Variants in CACNA1C observed in about 807,000 individuals in gnomAD.
The protein encoded by CACNA1C is voltage-dependent L-type calcium channel subunit alpha-1C.
CACNA1C carries 30 observed loss-of-function variants against 229.0 expected under a neutral mutation model. The ratio of observed to expected loss-of-function variants is 0.13; its 90% CI spans 0.10 to 0.18. The LOEUF is 0.18. Ranked by LOEUF, CACNA1C falls within the 10% of genes least tolerant of loss-of-function variation. The pLI is 1.00. For synonymous variants in CACNA1C, 1,114 were observed against 1,132.5 expected (o/e 0.98, Z 0.33); for missense variants, 1,658 against 2,845.0 (o/e 0.58, Z 9.49).
At position 2,666,672 on chromosome 12, in the gene CACNA1C, C is replaced by T. The variant is rs769815718; in HGVS notation, c.4527-14C>T. ...CTCTCTGATGCCCTGTCCCTCCTCTCCCTCCTCTTCTAGGGGTCGTATCAA... is the reference window on the plus strand; with the variant it reads ...CTCTCTGATGCCCTGTCCCTCCTCTTCCTCCTCTTCTAGGGGTCGTATCAA... On this transcript the variant is annotated splice_polypyrimidine_tract_variant and intron_variant, in intron 36 of 46. Coordinates refer to ENST00000399655, the MANE Select transcript of CACNA1C (RefSeq NM_000719.7). This position sits in a 1 kb window ranked among gnomAD's most constrained non-coding sequence, Gnocchi z 5.3. The T allele has an allele frequency of 6.4e-7, 1 of 1,551,198 alleles. No individual in the cohort carries two copies. Among genetic ancestry groups the T allele is most frequent in the Non-Finnish European group, 8.8e-7 (1 of 1,137,518 alleles).
rs113502387 is a variant in CACNA1C at position 2,250,170 on chromosome 12, T to C, written c.477+129740T>C. Among the ~76,000 whole-genome samples, 1,316 of 152,310 alleles carry C rather than the reference T, an allele frequency of 8.6e-3. 17 individuals carry two copies. Among genetic ancestry groups the C allele is most frequent in the African/African-American group, 0.03 (1,264 of 41,574 alleles). On this transcript the variant is annotated intron_variant, in intron 3 of 46. Coordinates refer to ENST00000399655, the MANE Select transcript of CACNA1C (RefSeq NM_000719.7). The stretch of plus-strand genomic sequence containing the variant: ...TGCATCAGTCCATCTCCCTGAGGCA[T>C]GGACAGTGCCTCACAGAGCCCACCC...
chr12:2,463,058 A>C (rs371333980), intron 5 of CACNA1C, among the ~76,000 whole-genome samples: 1 of 149,662 alleles, frequency 6.7e-6, no homozygotes, highest in Admixed American at 6.7e-5. Context: ...GACTATAGGC[A>C]CCCGCCACCA....
In CACNA1C at chr12:2,551,950, C is replaced by T. The variant is rs553147439; in HGVS notation, c.1481+1917C>T. Among the ~76,000 whole-genome samples, 387 of 152,170 alleles carry T rather than the reference C, an allele frequency of 2.5e-3. 2 individuals are homozygous for T. The highest frequency in any genetic ancestry group is 8.8e-3 in the African/African-American group (366 of 41,506). On this transcript the variant is annotated intron_variant, in intron 10 of 46. Transcript: ENST00000399655. Reference sequence around the variant, plus strand: ...CGGAGGCCCGAAACTCAGCCCTGAACAAGGGTGGACACACATGTTTGAGGT... The same window carrying T: ...CGGAGGCCCGAAACTCAGCCCTGAATAAGGGTGGACACACATGTTTGAGGT...
At chr12:2,531,725 G>A (rs143084665) in intron 9 of CACNA1C, among the ~76,000 whole-genome samples, 16 of 152,212 alleles carry the variant, frequency 1.1e-4, no homozygotes, top group African/African-American at 2.6e-4. Flanking sequence ...CGGGGCCCAC[G>A]CTCTCCTGCC....
intron 9 of CACNA1C, among the ~76,000 whole-genome samples, chr12:2,528,145 T>C (rs2099827552): frequency 6.6e-6 from 1 of 152,192 alleles, no homozygotes; most frequent in African/African-American, 2.4e-5. Context: ...AATTGTCGTG[T>C]GCTATACAGG....
At chr12:2,256,185 G>T (rs989511512) in intron 3 of CACNA1C, among the ~76,000 whole-genome samples, 8 of 152,056 alleles carry the variant, frequency 5.3e-5, no homozygotes, top group Non-Finnish European at 1.0e-4. Flanking sequence ...GGAGCTACTA[G>T]ATCAGACTAC....
chr12:2,187,770 G>A (rs2097089763), intron 3 of CACNA1C, among the ~76,000 whole-genome samples: 1 of 152,258 alleles, frequency 6.6e-6, no homozygotes, highest in South Asian at 2.1e-4. Flanking sequence ...TTACTAAGGA[G>A]CAAAAGCCGA....
At chr12:2,381,643 G>A (rs1567353580) in intron 3 of CACNA1C, among the ~76,000 whole-genome samples, 2 of 152,126 alleles carry the variant, frequency 1.3e-5, no homozygotes, top group Admixed American at 1.3e-4. Flanking sequence ...GGCTAACCCT[G>A]AAGACCATTT....
At chr12:2,645,371 C>T (rs1161252377) in intron 30 of CACNA1C, among the ~76,000 whole-genome samples, 1 of 152,096 alleles carries the variant, frequency 6.6e-6, no homozygotes, top group Non-Finnish European at 1.5e-5. Flanking sequence ...ATTAATGGCC[C>T]AAGTATTGAT....
chr12:2,404,287 G>A (rs1448397707), intron 3 of CACNA1C, among the ~76,000 whole-genome samples: 2 of 152,108 alleles, frequency 1.3e-5, no homozygotes, highest in Non-Finnish European at 2.9e-5. Flanking sequence ...GTAACTAAGA[G>A]CGCTCATGGG....
chr12:2,675,215 TTAATA>T (rs1326326011), intron 39 of CACNA1C, among the ~76,000 whole-genome samples: 8 of 152,170 alleles, frequency 5.3e-5, no homozygotes, highest in African/African-American at 1.7e-4. Flanking sequence ...TTCCAAAATA[TTAATA>T]TAATGCCTTC....
intron 34 of CACNA1C, among the ~76,000 whole-genome samples, chr12:2,662,994 A>T (rs571965436): frequency 6.6e-6 from 1 of 152,264 alleles, no homozygotes; most frequent in Non-Finnish European, 1.5e-5. Flanking sequence ...TTTCAGGTCA[A>T]TAAGTTATTG....
intron 1 of CACNA1C, among the ~76,000 whole-genome samples, chr12:2,057,582 C>T (rs1594600744): frequency 6.6e-6 from 1 of 152,156 alleles, no homozygotes; most frequent in Non-Finnish European, 1.5e-5. Context: ...GAGGCCCTCG[C>T]GGCATCACTG....
At chr12:2,109,901 A>G (rs1489822746) in intron 1 of CACNA1C, among the ~76,000 whole-genome samples, 2 of 152,186 alleles carry the variant, frequency 1.3e-5, no homozygotes, top group Non-Finnish European at 2.9e-5. Flanking sequence ...GGGTGGCTGG[A>G]CTGACTCCAG....
chr12:2,098,455 A>G (rs575001312), intron 1 of CACNA1C, among the ~76,000 whole-genome samples: 12 of 152,284 alleles, frequency 7.9e-5, no homozygotes, highest in African/African-American at 2.4e-4. Flanking sequence ...GTGTGGGTAC[A>G]TTTGTGTATG....
At chr12:2,593,514 G>C (rs1336509059) in intron 19 of CACNA1C, among the ~76,000 whole-genome samples, 169 bp downstream of exon 19, 1 of 152,202 alleles carries the variant, frequency 6.6e-6, no homozygotes, top group South Asian at 2.1e-4. Flanking sequence ...TGAATCAGAA[G>C]ACTTGTGTTT....
chr12:2,383,195 C>G (rs537483289), intron 3 of CACNA1C, among the ~76,000 whole-genome samples: 2 of 152,250 alleles, frequency 1.3e-5, no homozygotes, highest in African/African-American at 4.8e-5. Flanking sequence ...TTACTATGAT[C>G]ATATGCAAGC....
intron 3 of CACNA1C, among the ~76,000 whole-genome samples, chr12:2,235,206 C>G (rs2066881961): frequency 6.6e-6 from 1 of 152,306 alleles, no homozygotes; most frequent in South Asian, 2.1e-4. Context: ...TACAGGGGGG[C>G]CATTCTTCCT....
At chr12:2,480,566 A>C (rs2099671790) in intron 5 of CACNA1C, among the ~76,000 whole-genome samples, 2 of 152,170 alleles carry the variant, frequency 1.3e-5, no homozygotes, top group Admixed American at 1.3e-4. Flanking sequence ...TGGCCTGTAG[A>C]GCTTAGCTCA....
Sources: allele counts gnomAD v4.1 joint callset (sites outside exome capture counted in the v4.1 genomes callset), GRCh38; gene constraint gnomAD v4.1.1; non-coding constraint Gnocchi (gnomAD v3.1); transcripts MANE v1.5; gene names NCBI Gene and HGNC (gene_info 2026-07-23, HGNC 2026-07-21).